GTF2A1: variants seen among roughly 807,000 people sequenced by gnomAD.
The protein encoded by GTF2A1 is transcription initiation factor IIA subunit 1.
GTF2A1 carries 12 observed loss-of-function variants against 54.1 expected under a neutral mutation model. That is an observed-to-expected ratio of 0.22 (90% CI 0.14 to 0.36). The LOEUF (loss-of-function observed/expected upper bound fraction) is 0.36. GTF2A1 is among the 10% of genes least tolerant of loss of function. The pLI, the probability that GTF2A1 is intolerant of heterozygous loss-of-function variation, is 1.00. For synonymous variants in GTF2A1, 145 were observed against 152.0 expected (o/e 0.95, Z 0.34); for missense variants, 335 against 442.2 (o/e 0.76, Z 2.17).
chr14:81,201,344 T>C (rs151117066), intron 4 of GTF2A1, among the ~76,000 whole-genome samples: 1 of 152,238 alleles, frequency 6.6e-6, no homozygotes, highest in Non-Finnish European at 1.5e-5. Context: ...TTTTCGGAAA[T>C]AGTAGGGAAT....
chr14:81,199,283 T>C (rs921132663), intron 4 of GTF2A1, among the ~76,000 whole-genome samples: 2 of 152,196 alleles, frequency 1.3e-5, no homozygotes, highest in African/African-American at 4.8e-5. Context: ...TAACATATAT[T>C]TGCTGAGTCA....
At position 81,178,792 on chromosome 14, in the gene GTF2A1, G is replaced by C. The variant is rs1194215717; in HGVS notation, c.*1431C>G. The C allele has an allele frequency of 6.6e-6, 1 of 152,126 alleles. No homozygotes were observed. The highest frequency in any genetic ancestry group is 1.5e-5 in the Non-Finnish European group (1 of 68,036). The allele number at this position is 152,126 out of a possible 1,614,324, so 9.4% of individuals were successfully genotyped here. A position where few individuals can be genotyped will look rare whatever the true frequency, so the allele number is the denominator to read the frequency against. On this transcript the variant is annotated 3_prime_UTR_variant, in exon 9 of 9. Coordinates refer to ENST00000553612, the MANE Select transcript of GTF2A1 (RefSeq NM_015859.4). Reference sequence around the variant, plus strand: ...CAATATACAAGTAACCTAAACACATGTAAATTTTGTCAAGATAAACCATGG... The same window carrying C: ...CAATATACAAGTAACCTAAACACATCTAAATTTTGTCAAGATAAACCATGG...
At chr14:81,186,937 G>C (rs1178944213) in intron 7 of GTF2A1, among the ~76,000 whole-genome samples, 2 of 149,000 alleles carry the variant, frequency 1.3e-5, no homozygotes, top group South Asian at 2.2e-4. Context: ...AACAACCTGA[G>C]ACTCTATATC....
intron 4 of GTF2A1, among the ~76,000 whole-genome samples, chr14:81,198,132 A>T (rs1014066210): frequency 2.6e-5 from 4 of 152,196 alleles, no homozygotes; most frequent in Non-Finnish European, 4.4e-5. Context: ...ACAGATTAAT[A>T]CAAAAAATCT....
At chr14:81,194,745 G>C (rs759961335) in intron 6 of GTF2A1, among the ~76,000 whole-genome samples, 3 of 152,162 alleles carry the variant, frequency 2.0e-5, no homozygotes, top group Admixed American at 1.3e-4. Context: ...AATAAACCTG[G>C]AGAGTTCAAA....
chr14:81,186,861 G>C (rs979627067), intron 7 of GTF2A1, among the ~76,000 whole-genome samples: 1 of 151,926 alleles, frequency 6.6e-6, no homozygotes, highest in African/African-American at 2.4e-5. Flanking sequence ...GAGGGTGGGA[G>C]GATTACTTGA....
At chr14:81,208,945 A>G (rs1893302065) in intron 2 of GTF2A1, among the ~76,000 whole-genome samples, 1 of 152,228 alleles carries the variant, frequency 6.6e-6, no homozygotes, top group African/African-American at 2.4e-5. Context: ...TTTTGATTTT[A>G]CAGGCTCATA....
rs560003045 is a variant in GTF2A1 at position 81,188,633 on chromosome 14, C to T, written c.934-3013G>A. Among the ~76,000 whole-genome samples the T allele has an allele frequency of 3.3e-5, 5 of 151,836 alleles. No individual in the cohort carries two copies. The East Asian group carries it at 9.8e-4, about 30-fold the overall frequency. The stretch of plus-strand genomic sequence containing the variant: ...AAAAAAAAAAATACAAAAAATTAGC[C>T]GGGCATGGTGGCGGGCACCTGTAGT... On this transcript the variant is annotated intron_variant, in intron 7 of 8. Coordinates refer to ENST00000553612, the MANE Select transcript of GTF2A1 (RefSeq NM_015859.4).
At chr14:81,210,761 G>A (rs73344387) in intron 2 of GTF2A1, among the ~76,000 whole-genome samples, 6,341 of 152,046 alleles carry the variant, frequency 0.042, 456 homozygotes, top group African/African-American at 0.15. Flanking sequence ...CACCGTGTTG[G>A]CCAGGCTGTT....
At chr14:81,187,085 T>C (rs979188248) in intron 7 of GTF2A1, among the ~76,000 whole-genome samples, 1 of 152,190 alleles carries the variant, frequency 6.6e-6, no homozygotes, top group African/African-American at 2.4e-5. Context: ...CCAGGCGTGG[T>C]GGCTCACACC....
At chr14:81,218,432 G>A (rs939114590) in intron 1 of GTF2A1, among the ~76,000 whole-genome samples, 4 of 152,142 alleles carry the variant, frequency 2.6e-5, no homozygotes, top group African/African-American at 9.7e-5. Context: ...TATGCCTAAC[G>A]AGTAATTTAG....
intron 1 of GTF2A1, among the ~76,000 whole-genome samples, chr14:81,217,463 C>T (rs546031039): frequency 6.6e-6 from 1 of 152,328 alleles, no homozygotes; most frequent in Non-Finnish European, 1.5e-5. Context: ...GGTTATAAAT[C>T]CTCCCCATTA....
At chr14:81,181,856 TC>T (rs1892646319) in intron 8 of GTF2A1, among the ~76,000 whole-genome samples, 1 of 152,204 alleles carries the variant, frequency 6.6e-6, no homozygotes, top group Non-Finnish European at 1.5e-5. Flanking sequence ...ACAGATATTT[TC>T]TGAGATCTCA....
At chr14:81,209,251 A>T (rs1312017218) in intron 2 of GTF2A1, among the ~76,000 whole-genome samples, 1 of 152,146 alleles carries the variant, frequency 6.6e-6, no homozygotes, top group Non-Finnish European at 1.5e-5. Flanking sequence ...ATAGTGAATA[A>T]GTCTCACGAG....
In GTF2A1 at chr14:81,220,451, G is replaced by C. The variant is rs373264796; in HGVS notation, c.30+38C>G. On this transcript the variant is annotated intron_variant, in intron 1 of 8. Coordinates refer to ENST00000553612, the MANE Select transcript of GTF2A1 (RefSeq NM_015859.4). ...CCCGGTCCGGCCGTTGCTGCAGCCT[G>C]AACGAAGCCCCCGCCGGCCACCGAA... 9 of 1,509,580 alleles carry C rather than the reference G, an allele frequency of 6.0e-6. No individual in the cohort carries two copies. The African/African-American group carries it at 1.1e-4, about 19-fold the overall frequency. The allele number at this position is 1,509,580 out of a possible 1,614,324, so 93.5% of individuals were successfully genotyped here.
At position 81,175,728 on chromosome 14, in the gene GTF2A1, C is replaced by T. The variant is rs1892512536; in HGVS notation, c.*4495G>A. On this transcript the variant is annotated 3_prime_UTR_variant, in exon 9 of 9. Coordinates refer to ENST00000553612, the MANE Select transcript of GTF2A1 (RefSeq NM_015859.4). ...ACTAAGAGGAAGTGGTTTGACTAAA[C>T]AGAGAAATAACAATGTTTTTATCCT... The T allele has an allele frequency of 6.6e-6, 1 of 152,054 alleles. No individual in the cohort carries two copies. The highest frequency in any genetic ancestry group is 6.6e-5 in the Admixed American group (1 of 15,256). 9.4% of individuals were successfully genotyped at this position (152,054 alleles called of 1,614,324 possible).
intron 7 of GTF2A1, among the ~76,000 whole-genome samples, chr14:81,188,906 G>A (rs192836940): frequency 1.4e-4 from 21 of 152,246 alleles, no homozygotes; most frequent in African/African-American, 2.4e-4. Flanking sequence ...GTGGTATGCC[G>A]TAGGGGTCCA....
intron 2 of GTF2A1, among the ~76,000 whole-genome samples, chr14:81,211,437 G>A (rs28391486): frequency 1.3e-5 from 2 of 152,148 alleles, no homozygotes; most frequent in Non-Finnish European, 2.9e-5. Flanking sequence ...AGGCAAAAGG[G>A]CTAGGTTCAT....
chr14:81,212,921 G>C (rs1268349018), intron 2 of GTF2A1, among the ~76,000 whole-genome samples: 3 of 152,230 alleles, frequency 2.0e-5, no homozygotes, highest in Non-Finnish European at 4.4e-5. Context: ...AATGCTGGCT[G>C]TCCAGCTGTT....
Sources: gnomAD v4.1 joint callset for allele counts (sites outside exome capture counted in the v4.1 genomes callset) on GRCh38, gnomAD v4.1.1 for gene constraint, MANE v1.5 for transcripts, NCBI Gene and HGNC (gene_info 2026-07-23, HGNC 2026-07-21) for gene names.